PCDHGB7: variants seen among roughly 807,000 people sequenced by gnomAD.
PCDHGB7 encodes the protein protocadherin gamma subfamily B, 7.
A neutral mutation model predicts 61.4 loss-of-function variants in PCDHGB7; 37 were observed. That is an observed-to-expected ratio of 0.60 (90% CI 0.46 to 0.79). The LOEUF is 0.79. Ranked by LOEUF, PCDHGB7 falls within the 30% of genes least tolerant of loss-of-function variation. The pLI is 0.00. For synonymous variants in PCDHGB7, 464 were observed against 503.5 expected (o/e 0.92, Z 1.05); for missense variants, 1,166 against 1,202.5 (o/e 0.97, Z 0.45).
At chr5:141,423,821 C>A (rs2096784513) in intron 1 of PCDHGB7, 1 of 1,272,728 alleles carries the variant, frequency 7.9e-7, no homozygotes, top group Admixed American at 3.9e-5. Context: ...TTTACTTTGC[C>A]TTTCATGAGA....
At position 141,489,318 on chromosome 5, in the gene PCDHGB7, G is replaced by T; in HGVS notation, c.2416-5489G>T. On this transcript the variant is annotated intron_variant, in intron 1 of 3. Coordinates refer to ENST00000398594, the MANE Select transcript of PCDHGB7 (RefSeq NM_018927.4). The surrounding 1 kb of genome is among the most constrained non-coding windows in gnomAD (Gnocchi z 4.5). ...TGTTGTCCTTGTGCTGCTGGGGCTG[G>T]GTGTCTGGGCAGCTTCGTTACTCAG... The T allele has an allele frequency of 6.3e-7, 1 of 1,599,092 alleles. No homozygotes were observed. Among genetic ancestry groups the T allele is most frequent in the Non-Finnish European group, 8.5e-7 (1 of 1,171,660 alleles).
Position 141,485,465 on chromosome 5 carries a change from C to T in PCDHGB7, c.2416-9342C>T. ...AATCGACCGAGAGGCACTGTGTGGG[C>T]TCAGTGCCAGCTGCATCGTGCCCCT... On this transcript the variant is annotated intron_variant, in intron 1 of 3. Coordinates refer to ENST00000398594, the MANE Select transcript of PCDHGB7 (RefSeq NM_018927.4). This position sits in a 1 kb window ranked among gnomAD's most constrained non-coding sequence, Gnocchi z 5.7. 6.2e-7 allele frequency: 1 copy of T among 1,614,162 alleles called. No homozygotes were observed.
At chr5:141,450,829 A>ATT (rs373424450) in intron 1 of PCDHGB7, among the ~76,000 whole-genome samples, 8,685 of 135,030 alleles carry the variant, frequency 0.064, 328 homozygotes, top group South Asian at 0.088. Context: ...TATTATTATT[A>ATT]TTTTTTTTTT....
At chr5:141,421,159 C>G (rs2096549842) in intron 1 of PCDHGB7, 3 of 1,236,898 alleles carry the variant, frequency 2.4e-6, no homozygotes. Flanking sequence ...CCTAGGACTT[C>G]ATAGATACAT....
intron 1 of PCDHGB7, among the ~76,000 whole-genome samples, chr5:141,447,779 A>T (rs770299374): frequency 2.0e-5 from 3 of 152,210 alleles, no homozygotes; most frequent in Non-Finnish European, 4.4e-5. Flanking sequence ...ACTTTAATTG[A>T]AAATAAATTT....
At chr5:141,474,871 A>G (rs894657981) in intron 1 of PCDHGB7, among the ~76,000 whole-genome samples, 5 of 152,236 alleles carry the variant, frequency 3.3e-5, no homozygotes, top group African/African-American at 1.2e-4. Context: ...ATAGGATAGG[A>G]GCAGGAACTC....
chr5:141,498,865 G>A (rs2099786522), intron 2 of PCDHGB7, among the ~76,000 whole-genome samples: 1 of 151,116 alleles, frequency 6.6e-6, no homozygotes, highest in Non-Finnish European at 1.5e-5. Flanking sequence ...CCCAGGAGGC[G>A]GAGGTTGCAG....
At chr5:141,423,833 T>A in intron 1 of PCDHGB7, 1 of 1,262,398 alleles carries the variant, frequency 7.9e-7, no homozygotes, top group Non-Finnish European at 1.0e-6. Context: ...TTCATGAGAT[T>A]ACGATAATCT....
rs1030000451 is a variant in PCDHGB7, at chr5:141,432,417, T to G, written c.2415+12143T>G. 2.5e-6 allele frequency: 4 copies of G among 1,614,124 alleles called. No individual in the cohort carries two copies. In the African/African-American group the frequency reaches 5.3e-5, roughly 22 times the overall value. On this transcript the variant is annotated intron_variant, in intron 1 of 3. Coordinates refer to ENST00000398594, the MANE Select transcript of PCDHGB7 (RefSeq NM_018927.4). This position sits in a 1 kb window ranked among gnomAD's most constrained non-coding sequence, Gnocchi z 6.0. The stretch of plus-strand genomic sequence containing the variant: ...AACGTGTCGTTGAGCCTGTTCGTGC[T>G]GGACCAGAACGACAATGCGCCCGAG...
In PCDHGB7 at chr5:141,486,531, C is replaced by T; in HGVS notation, c.2416-8276C>T. The T allele has an allele frequency of 6.2e-7, 1 of 1,614,062 alleles. No homozygotes were observed. Among genetic ancestry groups the T allele is most frequent in the Non-Finnish European group, 8.5e-7 (1 of 1,180,020 alleles). Reference sequence around the variant, plus strand: ...ATTTCAGATGTGAATGATAATCCACCCTCTTTCTTTCAGAGGTCACATGAG... The same window carrying T: ...ATTTCAGATGTGAATGATAATCCACTCTCTTTCTTTCAGAGGTCACATGAG... On this transcript the variant is annotated intron_variant, in intron 1 of 3. Transcript: ENST00000398594. This position sits in a 1 kb window ranked among gnomAD's most constrained non-coding sequence, Gnocchi z 5.0.
chr5:141,506,253 G>A (rs1332023284), intron 3 of PCDHGB7, among the ~76,000 whole-genome samples: 2 of 151,862 alleles, frequency 1.3e-5, no homozygotes, highest in Non-Finnish European at 2.9e-5. Flanking sequence ...GTTCGAAACC[G>A]GCCTGGCCAA....
intron 1 of PCDHGB7, among the ~76,000 whole-genome samples, chr5:141,449,422 C>A (rs1041930577): frequency 4.0e-5 from 6 of 151,724 alleles, no homozygotes; most frequent in Non-Finnish European, 7.4e-5. Flanking sequence ...GCCTGGCCAA[C>A]ATGATAAAAC....
At chr5:141,454,953 G>A (rs1304192945) in intron 1 of PCDHGB7, among the ~76,000 whole-genome samples, 4 of 150,686 alleles carry the variant, frequency 2.7e-5, no homozygotes, top group Admixed American at 6.6e-5. Context: ...GACTACAGGC[G>A]CCGGCCACCA....
intron 1 of PCDHGB7, among the ~76,000 whole-genome samples, chr5:141,451,138 A>T (rs1348825654): frequency 6.6e-6 from 1 of 152,242 alleles, no homozygotes; most frequent in East Asian, 1.9e-4. Flanking sequence ...TTATGATTGT[A>T]TTTAGACTAG....
At chr5:141,510,917 C>A in intron 3 of PCDHGB7, 30 bp from the exon 4 acceptor site, 2 of 1,613,854 alleles carry the variant, frequency 1.2e-6, no homozygotes, top group Non-Finnish European at 8.5e-7. Flanking sequence ...CTAAGTTTAG[C>A]TCCCACCTGA....
rs749415234 is a variant in PCDHGB7 at position 141,419,462 on chromosome 5, C to G, written c.1603C>G (p.Arg535Gly). 9 of 1,612,582 alleles carry G rather than the reference C, an allele frequency of 5.6e-6. 1 individual carries two copies. The highest frequency in any genetic ancestry group is 1.7e-5 in the Admixed American group (1 of 59,984). Residue 535 changes from arginine to glycine, a missense_variant, in exon 1 of 4, where the codon CGC becomes GGC. Transcript: ENST00000398594. ...LRTFELTLQA[R>G]DQGSPALSAN... ...CACCTTCGAGCTCACGCTGCAGGCC[C>G]GCGACCAGGGCTCGCCCGCGCTCAG... is the stretch of plus-strand genomic sequence containing the variant.
In PCDHGB7 at chr5:141,490,023, G is replaced by A. The variant is rs1306715385; in HGVS notation, c.2416-4784G>A. The A allele has an allele frequency of 1.2e-6, 2 of 1,614,134 alleles. No homozygotes were observed. Among genetic ancestry groups the A allele is most frequent in the Non-Finnish European group, 1.7e-6 (2 of 1,180,060 alleles). On this transcript the variant is annotated intron_variant, in intron 1 of 3. Transcript: ENST00000398594. This position sits in a 1 kb window ranked among gnomAD's most constrained non-coding sequence, Gnocchi z 5.4. ...AGAATGCACCCATTGGTACTCTGCT[G>A]CTCCGCCTCAATGCCACTGATCCAG... is the stretch of plus-strand genomic sequence containing the variant.
Position 141,419,781 on chromosome 5 carries a change from G to T in PCDHGB7, c.1922G>T (p.Arg641Leu). The T allele has an allele frequency of 6.2e-7, 1 of 1,614,032 alleles. No homozygotes were observed. Among genetic ancestry groups the T allele is most frequent in the Non-Finnish European group, 8.5e-7 (1 of 1,179,892 alleles). Residue 641 changes from arginine to leucine, a missense_variant, in exon 1 of 4, where the codon CGC becomes CTC. By Grantham distance (102) the Arg-to-Leu change is moderately radical. Coordinates refer to ENST00000398594, the MANE Select transcript of PCDHGB7 (RefSeq NM_018927.4). The part of the protein sequence containing the change: ...ALGDKDSVRQ[R>L]LLVAVRDGGQ... ...GGTGACAAGGACTCGGTCCGCCAGC[G>T]CCTGCTAGTCGCTGTAAGAGATGGA...
In PCDHGB7 at chr5:141,486,610, C is replaced by G; in HGVS notation, c.2416-8197C>G. 6.2e-7 allele frequency: 1 copy of G among 1,613,620 alleles called. No homozygotes were observed. The highest frequency in any genetic ancestry group is 8.5e-7 in the Non-Finnish European group (1 of 1,180,038). On this transcript the variant is annotated intron_variant, in intron 1 of 3. Coordinates refer to ENST00000398594, the MANE Select transcript of PCDHGB7 (RefSeq NM_018927.4). This position sits in a 1 kb window ranked among gnomAD's most constrained non-coding sequence, Gnocchi z 5.0. ...GGGACCTGCTTTGCTCCCTTGCAGC[C>G]TCTGACCCAGACTCTGGCTTGAATG...
Sources: gnomAD v4.1 joint callset for allele counts (sites outside exome capture counted in the v4.1 genomes callset) on GRCh38, gnomAD v4.1.1 for gene constraint, Gnocchi (gnomAD v3.1) non-coding constraint, MANE v1.5 for transcripts, NCBI Gene and HGNC (gene_info 2026-07-23, HGNC 2026-07-21) for gene names.